PFKFB4: variants seen among roughly 807,000 people sequenced by gnomAD.
The protein encoded by PFKFB4 is 6-phosphofructo-2-kinase/fructose-2,6-biphosphatase 4.
In PFKFB4, 42 loss-of-function variants were observed where a neutral mutation model predicts 62.8. The observed-to-expected ratio is 0.67, with a 90% CI of 0.52 to 0.86. PFKFB4 has a LOEUF of 0.86. PFKFB4 is among the 40% of genes least tolerant of loss of function. The pLI is 0.00. For synonymous variants in PFKFB4, 204 were observed against 240.7 expected (o/e 0.85, Z 1.41); for missense variants, 475 against 627.2 (o/e 0.76, Z 2.59).
At chr3:48,534,543 T>C (rs1286898705) in intron 9 of PFKFB4, among the ~76,000 whole-genome samples, 1 of 151,922 alleles carries the variant, frequency 6.6e-6, no homozygotes, top group Non-Finnish European at 1.5e-5. Flanking sequence ...TGGTGGCAAG[T>C]GCCTGTAGTC....
intron 3 of PFKFB4, among the ~76,000 whole-genome samples, chr3:48,547,634 T>C (rs2043006169): frequency 6.6e-6 from 1 of 152,112 alleles, no homozygotes. Context: ...CCACCACATG[T>C]GGCTAATTTT....
intron 3 of PFKFB4, among the ~76,000 whole-genome samples, chr3:48,544,479 G>A (rs1035850267): frequency 2.4e-5 from 3 of 126,614 alleles, no homozygotes; most frequent in South Asian, 2.4e-4. Context: ...ATAAGGTCTC[G>A]CTCTGCCACC....
rs1424972562 is a variant in PFKFB4 at position 48,556,793 on chromosome 3, A to G, written c.-16T>C. On this transcript the variant is annotated 5_prime_UTR_variant, in exon 1 of 14. Transcript: ENST00000232375. The surrounding 1 kb of genome is among the most constrained non-coding windows in gnomAD (Gnocchi z 5.7). ...GGGACGCCATCCCGGGGCCGGGATG[A>G]GTCGGACTGCGCCGCTTCCAACCCA... 6.3e-7 allele frequency: 1 copy of G among 1,596,754 alleles called. No individual in the cohort carries two copies. Among genetic ancestry groups the G allele is most frequent in the East Asian group, 2.4e-5 (1 of 42,380 alleles).
intron 10 of PFKFB4, 22 bp downstream of exon 10, chr3:48,525,543 C>A: frequency 7.1e-7 from 1 of 1,403,390 alleles, no homozygotes; most frequent in East Asian, 2.5e-5. Context: ...GTGGCTGGGA[C>A]TAAGCCCCAA....
chr3:48,559,850 G>C, upstream of PFKFB4: 1 of 321,384 alleles, frequency 3.1e-6, no homozygotes, highest in Non-Finnish European at 6.1e-6. Context: ...ACTCTTCCCA[G>C]TCCCTGTATC....
upstream of PFKFB4, chr3:48,562,743 C>T: frequency 6.7e-7 from 1 of 1,492,472 alleles, no homozygotes; most frequent in Non-Finnish European, 8.9e-7. This position sits in a 1 kb window ranked among gnomAD's most constrained non-coding sequence, Gnocchi z 4.3. Flanking sequence ...TCCAGGTCTT[C>T]CCATCCAGGG....
chr3:48,547,337 T>C (rs940003514), intron 3 of PFKFB4, among the ~76,000 whole-genome samples: 1 of 152,124 alleles, frequency 6.6e-6, no homozygotes, highest in East Asian at 1.9e-4. Context: ...GGTATACGCA[T>C]GTCCGGATGT....
chr3:48,541,192 C>A (rs1354637951), intron 4 of PFKFB4, among the ~76,000 whole-genome samples: 1 of 151,714 alleles, frequency 6.6e-6, no homozygotes, highest in African/African-American at 2.4e-5. Flanking sequence ...TCACGCCATT[C>A]TCCTGCCTCA....
At chr3:48,560,757 G>C (rs2043419459), upstream of PFKFB4, among the ~76,000 whole-genome samples, 2 of 152,242 alleles carry the variant, frequency 1.3e-5, no homozygotes, top group Non-Finnish European at 2.9e-5. Context: ...GGACAAACAT[G>C]ATCCCTTGGA....
At chr3:48,531,776 G>A in intron 9 of PFKFB4, among the ~76,000 whole-genome samples, 1 of 151,914 alleles carries the variant, frequency 6.6e-6, no homozygotes, top group East Asian at 1.9e-4. Flanking sequence ...CAGGACAACA[G>A]AGCAAGACCC....
At chr3:48,531,718 G>C (rs1163026834) in intron 9 of PFKFB4, among the ~76,000 whole-genome samples, 1 of 151,976 alleles carries the variant, frequency 6.6e-6, no homozygotes, top group African/African-American at 2.4e-5. Context: ...ACTTGAACCT[G>C]GGAGGTCAAG....
chr3:48,539,187 G>T, intron 6 of PFKFB4, 67 bp downstream of exon 6: 1 of 1,275,720 alleles, frequency 7.8e-7, no homozygotes, highest in Non-Finnish European at 1.1e-6. Context: ...ATTAAGGTTA[G>T]CCAAAACCTG....
intron 8 of PFKFB4, among the ~76,000 whole-genome samples, 161 bp downstream of exon 8, chr3:48,536,095 C>T (rs545378011): frequency 1.3e-5 from 2 of 152,358 alleles, no homozygotes; most frequent in African/African-American, 4.8e-5. Flanking sequence ...GATGACCTTC[C>T]CTACATGATG....
upstream of PFKFB4, among the ~76,000 whole-genome samples, chr3:48,557,726 G>A (rs1179159322): frequency 6.6e-6 from 1 of 151,944 alleles, no homozygotes; most frequent in African/African-American, 2.4e-5. Context: ...TAGTAGAGGC[G>A]GGATTTCACC....
At chr3:48,538,750 A>G in intron 6 of PFKFB4, 131 bp from the exon 7 acceptor site, 2 of 1,153,424 alleles carry the variant, frequency 1.7e-6, no homozygotes, top group Middle Eastern at 2.0e-4. Context: ...CTGAGGCTGG[A>G]AGCTGAGGTG....
At chr3:48,551,155 G>A (rs2043132546) in intron 1 of PFKFB4, among the ~76,000 whole-genome samples, 1 of 151,862 alleles carries the variant, frequency 6.6e-6, no homozygotes, top group African/African-American at 2.4e-5. Context: ...CAGCTGGCTA[G>A]AACAGATACC....
upstream of PFKFB4, chr3:48,561,021 C>G (rs2043424149): frequency 1.6e-6 from 2 of 1,234,060 alleles, no homozygotes. The surrounding 1 kb of genome is among the most constrained non-coding windows in gnomAD (Gnocchi z 5.2). Context: ...TTCCCTAACC[C>G]TCCACCCTCC....
intron 3 of PFKFB4, among the ~76,000 whole-genome samples, chr3:48,546,088 G>C (rs1355961848): frequency 6.6e-6 from 1 of 152,128 alleles, no homozygotes; most frequent in African/African-American, 2.4e-5. Flanking sequence ...ATCCACACGT[G>C]TGGGTGGTTA....
chr3:48,517,903 C>G lies in PFKFB4; in HGVS notation c.*1844G>C, dbSNP rs1363414808. 6.6e-6 allele frequency: 1 copy of G among 152,560 alleles called. No individual in the cohort carries two copies. The highest frequency in any genetic ancestry group is 6.5e-5 in the Admixed American group (1 of 15,290). 9.5% of individuals were successfully genotyped at this position (152,560 alleles called of 1,614,324 possible). ...GGGTTGCCCCCACTCATGCCCTGATCCCTGGATGTCCCTCTACCCTGTCCC... is the reference window on the plus strand; with the variant it reads ...GGGTTGCCCCCACTCATGCCCTGATGCCTGGATGTCCCTCTACCCTGTCCC... On this transcript the variant is annotated 3_prime_UTR_variant, in exon 14 of 14. Coordinates refer to ENST00000232375, the MANE Select transcript of PFKFB4 (RefSeq NM_004567.4).
Sources: gnomAD v4.1 joint callset for allele counts (sites outside exome capture counted in the v4.1 genomes callset) on GRCh38, gnomAD v4.1.1 for gene constraint, Gnocchi (gnomAD v3.1) non-coding constraint, MANE v1.5 for transcripts, NCBI Gene and HGNC (gene_info 2026-07-23, HGNC 2026-07-21) for gene names.